EFR3A: variants seen among roughly 807,000 people sequenced by gnomAD.
EFR3A encodes protein EFR3 homolog A.
A neutral mutation model predicts 104.4 loss-of-function variants in EFR3A; 76 were observed. The observed-to-expected ratio is 0.73, with a 90% CI of 0.60 to 0.88. EFR3A has a LOEUF of 0.88. Among genes scored for constraint, EFR3A ranks in the 40% least tolerant of loss-of-function variants. The pLI is 0.00. For synonymous variants in EFR3A, 330 were observed against 330.0 expected (o/e 1.00, Z 0.00); for missense variants, 985 against 1,012.5 (o/e 0.97, Z 0.37).
chr8:131,997,032 G>A (rs1821529691), intron 19 of EFR3A, among the ~76,000 whole-genome samples: 1 of 151,978 alleles, frequency 6.6e-6, no homozygotes, highest in Non-Finnish European at 1.5e-5. Context: ...TACTCTGTAA[G>A]GACTGTGGCT....
intron 8 of EFR3A, among the ~76,000 whole-genome samples, chr8:131,959,981 AG>A (rs1427303974): frequency 1.3e-5 from 2 of 152,194 alleles, no homozygotes; most frequent in Admixed American, 6.5e-5. Flanking sequence ...GAATTATCAC[AG>A]GGATTTCTAA....
At position 131,940,546 on chromosome 8, in the gene EFR3A, G is replaced by T; in HGVS notation, c.58G>T (p.Val20Leu). 1 of 1,608,854 alleles carries T rather than the reference G, an allele frequency of 6.2e-7. No individual in the cohort carries two copies. The part of the protein sequence containing the change: ...SALRPRYKRL[V>L]DNIFPEDPKD... ...TTTGCGTCCTCGCTACAAACGCCTG[G>T]TGGACAACATATTCCCTGAAGATCC... is the stretch of plus-strand genomic sequence containing the variant. The change falls in exon 2 of 23, where the codon GTG (valine) becomes TTG (leucine). Residue 20 changes from valine (V) to leucine (L), a missense_variant. Coordinates refer to ENST00000254624, the MANE Select transcript of EFR3A (RefSeq NM_015137.6).
intron 15 of EFR3A, 58 bp from the exon 16 acceptor site, chr8:131,984,871 A>G: frequency 1.4e-6 from 2 of 1,476,272 alleles, no homozygotes; most frequent in Non-Finnish European, 1.8e-6. Flanking sequence ...GTAATCAGAG[A>G]AAATGCTGGT....
chr8:131,963,074 G>A (rs1309511294), intron 8 of EFR3A, among the ~76,000 whole-genome samples: 2 of 152,186 alleles, frequency 1.3e-5, no homozygotes, highest in Non-Finnish European at 2.9e-5. Flanking sequence ...AAAGCTGTGT[G>A]TAGAGGGAAA....
At chr8:131,991,609 A>G (rs1276661303) in intron 18 of EFR3A, among the ~76,000 whole-genome samples, 1 of 152,100 alleles carries the variant, frequency 6.6e-6, no homozygotes, top group Non-Finnish European at 1.5e-5. Flanking sequence ...AATTTTAAAA[A>G]CAGCAACATA....
At chr8:131,936,875 A>G (rs1259387361) in intron 1 of EFR3A, among the ~76,000 whole-genome samples, 1 of 152,086 alleles carries the variant, frequency 6.6e-6, no homozygotes, top group Non-Finnish European at 1.5e-5. Flanking sequence ...ATCCACACCC[A>G]GTCCTTTTCG....
intron 19 of EFR3A, among the ~76,000 whole-genome samples, chr8:131,997,150 T>C (rs16904568): frequency 0.041 from 6,298 of 152,148 alleles, 318 homozygotes; most frequent in East Asian, 0.12. Context: ...CTAGGACTTA[T>C]TCTACACAAA....
intron 1 of EFR3A, among the ~76,000 whole-genome samples, chr8:131,911,214 A>G (rs1816495898): frequency 6.6e-6 from 1 of 152,194 alleles, no homozygotes; most frequent in South Asian, 2.1e-4. Flanking sequence ...GAAGAATATC[A>G]TTTGCCAAAT....
intron 18 of EFR3A, among the ~76,000 whole-genome samples, chr8:131,993,319 G>C (rs970121397): frequency 1.3e-5 from 2 of 152,080 alleles, no homozygotes; most frequent in African/African-American, 4.8e-5. Flanking sequence ...CAAGCTAATG[G>C]AGCTACCACT....
intron 18 of EFR3A, 151 bp from the exon 19 acceptor site, chr8:131,996,255 A>T: frequency 2.0e-6 from 1 of 488,796 alleles, no homozygotes; most frequent in East Asian, 3.4e-5. Context: ...AAGTCCGAGA[A>T]CACGCTGCTT....
At chr8:131,999,170 T>C (rs1821659654) in intron 19 of EFR3A, among the ~76,000 whole-genome samples, 1 of 152,146 alleles carries the variant, frequency 6.6e-6, no homozygotes. Flanking sequence ...TTTGAGTATA[T>C]GTTAAATTTT....
chr8:131,916,283 T>C (rs1816742548), intron 1 of EFR3A, among the ~76,000 whole-genome samples: 1 of 152,192 alleles, frequency 6.6e-6, no homozygotes, highest in Non-Finnish European at 1.5e-5. Flanking sequence ...GGATGGTGGT[T>C]GTAGGAAGGA....
At chr8:132,004,319 G>A (rs1821930668) in intron 22 of EFR3A, among the ~76,000 whole-genome samples, 1 of 152,224 alleles carries the variant, frequency 6.6e-6, no homozygotes, top group Admixed American at 6.5e-5. Flanking sequence ...ACAGCAGGAG[G>A]TGAGCAGTGG....
intron 15 of EFR3A, 80 bp downstream of exon 15, chr8:131,984,380 G>A: frequency 5.2e-6 from 7 of 1,337,610 alleles, no homozygotes; most frequent in South Asian, 3.6e-5. Context: ...CGTTATCCAA[G>A]GACATGAATT....
intron 22 of EFR3A, among the ~76,000 whole-genome samples, chr8:132,008,314 G>A (rs931907896): frequency 2.0e-5 from 3 of 151,936 alleles, no homozygotes; most frequent in African/African-American, 7.2e-5. Flanking sequence ...AAAATCATTC[G>A]TTAACAAGGA....
At chr8:132,004,487 A>G (rs1193253838) in intron 22 of EFR3A, among the ~76,000 whole-genome samples, 2 of 152,174 alleles carry the variant, frequency 1.3e-5, no homozygotes, top group African/African-American at 4.8e-5. Flanking sequence ...AGGTGGATCA[A>G]TTTCATCCTG....
rs1290158152 is a variant in EFR3A at position 132,013,231 on chromosome 8, T to C, written c.*2336T>C. The C allele has an allele frequency of 6.6e-6, 1 of 152,578 alleles. No homozygotes were observed. Among genetic ancestry groups the C allele is most frequent in the Non-Finnish European group, 1.5e-5 (1 of 68,040 alleles). 9.5% of individuals were successfully genotyped at this position (152,578 alleles called of 1,614,324 possible). A position where few individuals can be genotyped will look rare whatever the true frequency, so the allele number is the denominator to read the frequency against. ...ATAGAATTGCTTATATCACTCTTTC[T>C]TTCATGACATTGGTTAACATTTAAA... On this transcript the variant is annotated 3_prime_UTR_variant, in exon 23 of 23. Coordinates refer to ENST00000254624, the MANE Select transcript of EFR3A (RefSeq NM_015137.6).
intron 22 of EFR3A, among the ~76,000 whole-genome samples, chr8:132,010,411 T>TAG (rs1420240357): frequency 6.8e-4 from 13 of 19,148 alleles, no homozygotes; most frequent in Non-Finnish European, 9.8e-4. Flanking sequence ...GTATGAGATA[T>TAG]ATATATATAT....
At chr8:131,994,414 G>T (rs1563700469) in intron 18 of EFR3A, among the ~76,000 whole-genome samples, 1 of 152,138 alleles carries the variant, frequency 6.6e-6, no homozygotes, top group Non-Finnish European at 1.5e-5. Context: ...AGGGCCTGGG[G>T]CAGTCTGAGC....
Sources: allele counts gnomAD v4.1 joint callset (sites outside exome capture counted in the v4.1 genomes callset), GRCh38; gene constraint gnomAD v4.1.1; transcripts MANE v1.5; gene names NCBI Gene and HGNC (gene_info 2026-07-23, HGNC 2026-07-21).